PLXDC2: variants seen among roughly 807,000 people sequenced by gnomAD.
The protein encoded by PLXDC2 is plexin domain containing 2.
PLXDC2 carries 40 observed loss-of-function variants against 68.9 expected under a neutral mutation model. That is an observed-to-expected ratio of 0.58 (90% CI 0.45 to 0.76). The LOEUF (loss-of-function observed/expected upper bound fraction) is 0.76. Among genes scored for constraint, PLXDC2 ranks in the 30% least tolerant of loss-of-function variants. PLXDC2 has a pLI of 0.00. For missense variants in PLXDC2, 644 were observed against 661.9 expected (o/e 0.97, Z 0.30); for synonymous variants, 243 against 234.2 (o/e 1.04, Z -0.34).
At chr10:19,862,177 C>A (rs1223963825) in intron 1 of PLXDC2, among the ~76,000 whole-genome samples, 1 of 151,990 alleles carries the variant, frequency 6.6e-6, no homozygotes, top group Non-Finnish European at 1.5e-5. Context: ...GATGCATAAC[C>A]CGCCAAAATT....
chr10:20,044,499 G>A (rs540171215), intron 2 of PLXDC2, among the ~76,000 whole-genome samples: 5 of 151,594 alleles, frequency 3.3e-5, no homozygotes, highest in African/African-American at 4.8e-5. Flanking sequence ...TAGCGGAGAC[G>A]GGGTTTCACC....
At chr10:19,820,153 T>C (rs1473394094) in intron 1 of PLXDC2, among the ~76,000 whole-genome samples, 1 of 152,236 alleles carries the variant, frequency 6.6e-6, no homozygotes, top group Non-Finnish European at 1.5e-5. Flanking sequence ...TTGTTGTTCA[T>C]GGATGTCTGC....
intron 12 of PLXDC2, among the ~76,000 whole-genome samples, chr10:20,230,809 G>A (rs1835355294): frequency 7.1e-6 from 1 of 141,728 alleles, no homozygotes; most frequent in African/African-American, 2.6e-5. Context: ...GAACAATACT[G>A]ACAACCACTT....
intron 13 of PLXDC2, among the ~76,000 whole-genome samples, chr10:20,273,303 A>C (rs575538928): frequency 4.6e-5 from 7 of 152,234 alleles, no homozygotes; most frequent in Admixed American, 1.3e-4. Context: ...ATATCGACAA[A>C]GTTCAAAACA....
intron 2 of PLXDC2, among the ~76,000 whole-genome samples, chr10:20,005,997 G>A (rs180699950): frequency 1.3e-3 from 199 of 152,130 alleles, no homozygotes; most frequent in African/African-American, 4.6e-3. Flanking sequence ...TGAGATCAGC[G>A]TGGCCAACAA....
At chr10:20,072,886 GAT>G (rs1335741280) in intron 4 of PLXDC2, among the ~76,000 whole-genome samples, 4 of 152,176 alleles carry the variant, frequency 2.6e-5, no homozygotes, top group African/African-American at 9.7e-5. Flanking sequence ...ATAGACTTTT[GAT>G]GGATCTCTTC....
intron 1 of PLXDC2, among the ~76,000 whole-genome samples, chr10:19,962,684 C>T (rs1223010736): frequency 2.0e-5 from 3 of 148,284 alleles, no homozygotes; most frequent in Non-Finnish European, 1.5e-5. Flanking sequence ...GCCACCGCGC[C>T]CGGCTCAGCC....
At chr10:20,084,811 G>A (rs1833167153) in intron 4 of PLXDC2, among the ~76,000 whole-genome samples, 1 of 151,562 alleles carries the variant, frequency 6.6e-6, no homozygotes, top group Admixed American at 6.6e-5. Context: ...CTTATATTTG[G>A]TCAAGAATGT....
chr10:20,239,372 A>G (rs539013533), intron 12 of PLXDC2, among the ~76,000 whole-genome samples: 3 of 152,312 alleles, frequency 2.0e-5, no homozygotes, highest in Non-Finnish European at 4.4e-5. Flanking sequence ...CCTGAGATTG[A>G]GTAATTTATA....
chr10:20,020,506 G>A (rs1835289946), intron 2 of PLXDC2, among the ~76,000 whole-genome samples: 1 of 151,726 alleles, frequency 6.6e-6, no homozygotes, highest in Non-Finnish European at 1.5e-5. Context: ...TCTGGTTATG[G>A]TGCTGGAGAT....
chr10:20,189,672 C>G (rs1373813378), intron 9 of PLXDC2, among the ~76,000 whole-genome samples: 2 of 150,704 alleles, frequency 1.3e-5, no homozygotes, highest in Non-Finnish European at 3.0e-5. Context: ...TGCTGCATAA[C>G]TTTCCTCTGG....
At chr10:19,884,122 C>T (rs2131353399) in intron 1 of PLXDC2, among the ~76,000 whole-genome samples, 1 of 150,924 alleles carries the variant, frequency 6.6e-6, no homozygotes, top group Non-Finnish European at 1.5e-5. Context: ...GTTTCAAACT[C>T]CTGAGCTCAA....
At chr10:19,973,350 ACT>A (rs1491257317) in intron 1 of PLXDC2, among the ~76,000 whole-genome samples, 59 of 115,136 alleles carry the variant, frequency 5.1e-4, no homozygotes, top group East Asian at 2.4e-3. Context: ...ATATATGTAT[ACT>A]CACATATATA....
At chr10:20,256,128 T>TTATA (rs1409731408) in intron 13 of PLXDC2, among the ~76,000 whole-genome samples, 1 of 151,908 alleles carries the variant, frequency 6.6e-6, no homozygotes, top group East Asian at 1.9e-4. Context: ...TTGTTTTTGT[T>TTATA]TTTATTTATT....
chr10:20,277,124 G>A (rs747500948), intron 13 of PLXDC2, among the ~76,000 whole-genome samples: 8 of 142,000 alleles, frequency 5.6e-5, no homozygotes, highest in African/African-American at 1.9e-4. Flanking sequence ...CAAGAGAATC[G>A]CTTGAACCCA....
At chr10:20,014,290 T>C (rs1835166537) in intron 2 of PLXDC2, among the ~76,000 whole-genome samples, 1 of 145,574 alleles carries the variant, frequency 6.9e-6, no homozygotes, top group Admixed American at 6.8e-5. Context: ...CTTTTTTCCT[T>C]CCTTCCTTCC....
chr10:20,207,364 A>G (rs1397402598), intron 9 of PLXDC2, among the ~76,000 whole-genome samples: 1 of 152,198 alleles, frequency 6.6e-6, no homozygotes, highest in Non-Finnish European at 1.5e-5. Flanking sequence ...AGGACTAATT[A>G]TTCCAAGGTA....
intron 1 of PLXDC2, among the ~76,000 whole-genome samples, chr10:19,982,086 A>G (rs139926410): frequency 6.6e-6 from 1 of 152,364 alleles, no homozygotes; most frequent in East Asian, 1.9e-4. Flanking sequence ...GCCTCTGCAG[A>G]TTGCTGCAAT....
intron 1 of PLXDC2, among the ~76,000 whole-genome samples, chr10:19,945,658 A>C (rs751052145): frequency 6.6e-6 from 1 of 152,184 alleles, no homozygotes; most frequent in Non-Finnish European, 1.5e-5. Context: ...TCAGATCCAC[A>C]GAGGACTCCA....
Sources: gnomAD v4.1 joint callset for allele counts (sites outside exome capture counted in the v4.1 genomes callset) on GRCh38, gnomAD v4.1.1 for gene constraint, MANE v1.5 for transcripts, NCBI Gene and HGNC (gene_info 2026-07-23, HGNC 2026-07-21) for gene names.